PRKG1: variants seen among roughly 807,000 people sequenced by gnomAD.
The protein encoded by PRKG1 is cGMP-dependent protein kinase 1.
Under a neutral mutation model 88.1 loss-of-function variants are expected in PRKG1, and 35 were observed. The observed-to-expected ratio is 0.40, with a 90% confidence interval of 0.30 to 0.53. The LOEUF (loss-of-function observed/expected upper bound fraction) is 0.53, where lower values mean the gene tolerates loss of function less well. PRKG1 is among the 20% of genes least tolerant of loss of function. The probability of loss-of-function intolerance (pLI) is 0.59; values close to 1 mark genes in which losing one functional copy is unlikely to be tolerated. For missense variants in PRKG1, 540 were observed against 839.8 expected (o/e 0.64, Z 4.41); for synonymous variants, 303 against 292.5 (o/e 1.04, Z -0.37).
rs568515730 is a variant in PRKG1, at chr10:51,887,832, T to A, written c.699-19675T>A. Among the ~76,000 whole-genome samples the A allele has an allele frequency of 1.6e-4, 24 of 152,344 alleles. 1 individual carries two copies. The East Asian group carries it at 4.6e-3, about 29-fold the overall frequency. Reference sequence around the variant, plus strand: ...AGTTGTAGGAGACTCTCCTTTATATTGGACATTAATCTCTTATGAGATAGG... The same window carrying A: ...AGTTGTAGGAGACTCTCCTTTATATAGGACATTAATCTCTTATGAGATAGG... On this transcript the variant is annotated intron_variant, in intron 4 of 17. Transcript: ENST00000373980.
intron 12 of PRKG1, among the ~76,000 whole-genome samples, chr10:52,274,738 T>A (rs1255386860): frequency 6.6e-6 from 1 of 152,070 alleles, no homozygotes. Flanking sequence ...CTACTTTTAG[T>A]TCTTTAAGGA....
chr10:51,342,249 G>T (rs1028653144), intron 2 of PRKG1, among the ~76,000 whole-genome samples: 2 of 152,174 alleles, frequency 1.3e-5, no homozygotes, highest in African/African-American at 4.8e-5. Flanking sequence ...ATGAGTTTTT[G>T]TGGATGTGTA....
At chr10:52,201,121 C>T (rs183646733) in intron 9 of PRKG1, among the ~76,000 whole-genome samples, 106 of 152,230 alleles carry the variant, frequency 7.0e-4, no homozygotes, top group African/African-American at 2.5e-3. Flanking sequence ...GTTATGAAAT[C>T]TTTGCCAGTG....
chr10:52,077,007 TTA>T, intron 7 of PRKG1, among the ~76,000 whole-genome samples: 1 of 151,928 alleles, frequency 6.6e-6, no homozygotes, highest in African/African-American at 2.4e-5. Flanking sequence ...TTTTTTTTTT[TTA>T]AAACTTAAAC....
rs534197652 is a variant in PRKG1, at chr10:51,095,694, G to T, written c.311+20793G>T. 2.0e-5 allele frequency among the ~76,000 whole-genome samples: 3 copies of T among 152,222 alleles called. No homozygotes were observed. The East Asian group carries it at 5.8e-4, about 29-fold the overall frequency. ...GGCGCAGTGTGATACTCAGTACTGG[G>T]GAACTGCATTCTGAGTCAAAGCAAA... On this transcript the variant is annotated intron_variant, in intron 1 of 17. Coordinates refer to ENST00000373980, the MANE Select transcript of PRKG1 (RefSeq NM_006258.4).
chr10:51,105,192 G>T (rs1244262373), intron 1 of PRKG1, among the ~76,000 whole-genome samples: 1 of 152,200 alleles, frequency 6.6e-6, no homozygotes, highest in East Asian at 1.9e-4. Context: ...TTTGAAAAAT[G>T]TGTTGTGTTA....
rs187271215 is a variant in PRKG1, at chr10:51,677,767, G to A, written c.593-126818G>A. Among the ~76,000 whole-genome samples the A allele has an allele frequency of 1.0e-3, 152 of 152,242 alleles. 4 individuals are homozygous for A. The highest frequency in any genetic ancestry group is 4.1e-3 in the South Asian group (20 of 4,822). ...TGCTCAGAGAGGCACTAGGTTTTGGGGACAGTTTGGAAAAATGACCTCAAG... is the reference window on the plus strand; with the variant it reads ...TGCTCAGAGAGGCACTAGGTTTTGGAGACAGTTTGGAAAAATGACCTCAAG... On this transcript the variant is annotated intron_variant, in intron 3 of 17. Transcript: ENST00000373980.
intron 2 of PRKG1, among the ~76,000 whole-genome samples, chr10:51,247,536 T>G (rs1315675686): frequency 6.6e-6 from 1 of 151,988 alleles, no homozygotes; most frequent in African/African-American, 2.4e-5. Flanking sequence ...ATTTACACCC[T>G]TAACAATTAA....
intron 4 of PRKG1, among the ~76,000 whole-genome samples, chr10:51,878,696 G>T (rs1841363692): frequency 6.6e-6 from 1 of 152,128 alleles, no homozygotes; most frequent in Non-Finnish European, 1.5e-5. Context: ...AATACCAACA[G>T]TTTCTATTGA....
At chr10:51,426,155 C>T (rs965515209) in intron 2 of PRKG1, among the ~76,000 whole-genome samples, 1 of 152,074 alleles carries the variant, frequency 6.6e-6, no homozygotes, top group African/African-American at 2.4e-5. Flanking sequence ...TGCGCACCCA[C>T]CTGTAACTCC....
intron 2 of PRKG1, among the ~76,000 whole-genome samples, chr10:51,334,442 A>G (rs1409141593): frequency 6.6e-6 from 1 of 152,154 alleles, no homozygotes; most frequent in Non-Finnish European, 1.5e-5. Context: ...ACACTCAATA[A>G]ACATTTATTG....
intron 7 of PRKG1, among the ~76,000 whole-genome samples, chr10:52,094,421 T>C (rs1330086304): frequency 6.6e-6 from 1 of 152,172 alleles, no homozygotes; most frequent in Non-Finnish European, 1.5e-5. Context: ...CTTGATGCTC[T>C]CTCTCTCTCT....
At chr10:51,401,166 A>G (rs1049608101) in intron 2 of PRKG1, among the ~76,000 whole-genome samples, 4 of 152,248 alleles carry the variant, frequency 2.6e-5, no homozygotes, top group Non-Finnish European at 4.4e-5. Context: ...TTTAACCAGT[A>G]TATCCAAAAT....
chr10:51,030,916 A>T (rs747331240), intron 1 of PRKG1, among the ~76,000 whole-genome samples: 1 of 152,164 alleles, frequency 6.6e-6, no homozygotes, highest in Admixed American at 6.6e-5. Flanking sequence ...AGCCTCAGGT[A>T]TTCCTTTATG....
At chr10:51,809,902 T>G (rs1160550004) in intron 4 of PRKG1, among the ~76,000 whole-genome samples, 1 of 152,126 alleles carries the variant, frequency 6.6e-6, no homozygotes, top group East Asian at 1.9e-4. Flanking sequence ...ATCTTCTCCT[T>G]CTTTATTCTC....
In PRKG1 at chr10:52,297,917, G is replaced by C. The variant is rs1010932474; in HGVS notation, c.*4017G>C. ...ACGAGGCAAGTTTTCAACAGACCTA[G>C]AAAGCAAAACATTGAAAGTGTGTTG... On this transcript the variant is annotated 3_prime_UTR_variant, in exon 18 of 18. Coordinates refer to ENST00000373980, the MANE Select transcript of PRKG1 (RefSeq NM_006258.4). The C allele has an allele frequency of 1.3e-5, 2 of 152,164 alleles. No individual in the cohort carries two copies. The highest frequency in any genetic ancestry group is 2.9e-5 in the Non-Finnish European group (2 of 68,036). 9.4% of individuals were successfully genotyped at this position (152,164 alleles called of 1,614,324 possible).
intron 5 of PRKG1, among the ~76,000 whole-genome samples, chr10:51,943,330 T>C (rs1842951769): frequency 6.6e-6 from 1 of 151,958 alleles, no homozygotes; most frequent in South Asian, 2.1e-4. Flanking sequence ...CTGAAGTTGC[T>C]TATCAGCTTA....
intron 1 of PRKG1, among the ~76,000 whole-genome samples, chr10:51,133,985 C>A (rs1845633039): frequency 6.6e-6 from 1 of 152,050 alleles, no homozygotes; most frequent in African/African-American, 2.4e-5. Context: ...TCCCTGCTCC[C>A]TCATTTAGAA....
At chr10:51,895,143 G>A (rs2132916576) in intron 4 of PRKG1, among the ~76,000 whole-genome samples, 1 of 152,272 alleles carries the variant, frequency 6.6e-6, no homozygotes, top group Non-Finnish European at 1.5e-5. Flanking sequence ...TGAATGGAGA[G>A]GTGTCGAAGA....
Sources: gnomAD v4.1 joint callset for allele counts (sites outside exome capture counted in the v4.1 genomes callset) on GRCh38, gnomAD v4.1.1 for gene constraint, MANE v1.5 for transcripts, NCBI Gene and HGNC (gene_info 2026-07-23, HGNC 2026-07-21) for gene names.